The following MYO18B variants were observed in gnomAD, a reference collection of about 807,000 sequenced individuals.
The protein encoded by MYO18B is myosin XVIIIB.
MYO18B carries 204 observed loss-of-function variants against 273.0 expected under a neutral mutation model. That is an observed-to-expected ratio of 0.75 (90% CI 0.67 to 0.84). The LOEUF (loss-of-function observed/expected upper bound fraction) is 0.84. Ranked by LOEUF, MYO18B falls within the 40% of genes least tolerant of loss-of-function variation. The probability of loss-of-function intolerance (pLI) is 0.00; values close to 1 mark genes in which losing one functional copy is unlikely to be tolerated. For missense variants in MYO18B, 3,212 were observed against 3,287.6 expected, an observed-to-expected ratio of 0.98 and a Z score of 0.56; for synonymous variants, 1,330 against 1,305.7, an observed-to-expected ratio of 1.02 and a Z score of -0.40.
At chr22:25,861,479 T>G (rs1458180043) in intron 21 of MYO18B, among the ~76,000 whole-genome samples, 1 of 152,222 alleles carries the variant, frequency 6.6e-6, no homozygotes, top group East Asian at 1.9e-4. Context: ...ACTCCAGCTA[T>G]CTTATGTTTA....
At chr22:25,797,009 C>T (rs2087944434) in intron 11 of MYO18B, among the ~76,000 whole-genome samples, 1 of 152,214 alleles carries the variant, frequency 6.6e-6, no homozygotes, top group African/African-American at 2.4e-5. Flanking sequence ...GGGCAGATCA[C>T]TTGAGGTCAG....
chr22:25,939,181 A>G (rs2092615162), intron 34 of MYO18B, among the ~76,000 whole-genome samples: 1 of 151,782 alleles, frequency 6.6e-6, no homozygotes, highest in Non-Finnish European at 1.5e-5. Flanking sequence ...CCTTTAATTC[A>G]CTCATTTGTA....
intron 12 of MYO18B, among the ~76,000 whole-genome samples, chr22:25,812,353 C>T (rs2088802050): frequency 6.6e-6 from 1 of 152,148 alleles, no homozygotes; most frequent in African/African-American, 2.4e-5. Flanking sequence ...GAGGCTTCTC[C>T]CTTCCTTCTC....
chr22:25,990,654 T>C (rs938439998), intron 39 of MYO18B, among the ~76,000 whole-genome samples: 1 of 116,566 alleles, frequency 8.6e-6, no homozygotes, highest in Non-Finnish European at 1.6e-5. Flanking sequence ...GCCACTGCAC[T>C]CCAGGCTGTG....
rs192715225 is a variant in MYO18B at position 26,030,628 on chromosome 22, G to A, written c.*198G>A. On this transcript the variant is annotated 3_prime_UTR_variant, in exon 44 of 44. Coordinates refer to ENST00000335473, the MANE Select transcript of MYO18B (RefSeq NM_032608.7). Reference sequence around the variant, plus strand: ...GTGTGGTTGGCCTGAACAAAATAAAGTGTTGACTCCTGGGCATCTGTGCCT... The same window carrying A: ...GTGTGGTTGGCCTGAACAAAATAAAATGTTGACTCCTGGGCATCTGTGCCT... The A allele has an allele frequency of 2.1e-4, 61 of 295,162 alleles. 1 individual carries two copies. The highest frequency in any genetic ancestry group is 1.2e-3 in the African/African-American group (55 of 46,544). 18.3% of individuals were successfully genotyped at this position (295,162 alleles called of 1,614,324 possible).
rs12170856 is a variant in MYO18B at position 25,777,517 on chromosome 22, G to A, written c.1870-66G>A. ...CTGGACCCTAGGCCTGGGGCGGGGC[G>A]CTGTCTTAGAATGCTCCCTAGGCAG... On this transcript the variant is annotated intron_variant, in intron 7 of 43. Coordinates refer to ENST00000335473, the MANE Select transcript of MYO18B (RefSeq NM_032608.7). The A allele has an allele frequency of 0.3, 421,535 of 1,422,176 alleles. 67,064 individuals carry two copies. Among genetic ancestry groups the A allele is most frequent in the Middle Eastern group, 0.35 (1,365 of 3,874 alleles). The allele number at this position is 1,422,176 out of a possible 1,614,324, so 88.1% of individuals were successfully genotyped here. A position where few individuals can be genotyped will look rare whatever the true frequency, so the allele number is the denominator to read the frequency against.
chr22:25,959,654 T>C (rs1601690991), intron 39 of MYO18B, among the ~76,000 whole-genome samples: 1 of 150,814 alleles, frequency 6.6e-6, no homozygotes, highest in Non-Finnish European at 1.5e-5. Context: ...CATTCATTTA[T>C]TCATTCCATC....
intron 6 of MYO18B, among the ~76,000 whole-genome samples, chr22:25,771,287 T>A (rs1167184283): frequency 6.6e-6 from 1 of 152,214 alleles, no homozygotes; most frequent in African/African-American, 2.4e-5. Flanking sequence ...AGAAAATGAC[T>A]GCTTTTAATT....
At chr22:25,814,032 T>C (rs2088883903) in intron 12 of MYO18B, among the ~76,000 whole-genome samples, 1 of 152,202 alleles carries the variant, frequency 6.6e-6, no homozygotes, top group African/African-American at 2.4e-5. Flanking sequence ...CTGCTTGGGA[T>C]GTAAACAATT....
intron 39 of MYO18B, among the ~76,000 whole-genome samples, chr22:25,960,795 C>T (rs773822500): frequency 3.3e-5 from 5 of 152,082 alleles, no homozygotes; most frequent in East Asian, 3.9e-4. Flanking sequence ...AGTCTTGGTC[C>T]GCCCTGCAGG....
intron 21 of MYO18B, among the ~76,000 whole-genome samples, chr22:25,859,428 T>A (rs2090666835): frequency 6.6e-6 from 1 of 152,338 alleles, no homozygotes; most frequent in East Asian, 1.9e-4. Context: ...GTGTAACTTT[T>A]AAATATAACT....
At chr22:25,880,810 C>G (rs552371294) in intron 25 of MYO18B, among the ~76,000 whole-genome samples, 1 of 152,336 alleles carries the variant, frequency 6.6e-6, no homozygotes, top group African/African-American at 2.4e-5. Context: ...AGCATGGGCT[C>G]TATTTGCCTA....
the MYO18B span, among the ~76,000 whole-genome samples, chr22:26,063,796 G>C: frequency 2.0e-5 from 3 of 152,044 alleles, no homozygotes; most frequent in South Asian, 6.2e-4. Context: ...AACCATAAAG[G>C]GTTAAGAACT....
At chr22:25,828,437 G>C (rs570386341) in intron 14 of MYO18B, among the ~76,000 whole-genome samples, 2 of 152,072 alleles carry the variant, frequency 1.3e-5, no homozygotes, top group South Asian at 4.2e-4. Flanking sequence ...GATTTTAATA[G>C]GCCTCTGAAG....
chr22:25,906,056 C>T (rs1478764228), intron 31 of MYO18B, among the ~76,000 whole-genome samples: 8 of 152,198 alleles, frequency 5.3e-5, no homozygotes, highest in Non-Finnish European at 8.8e-5. Flanking sequence ...CTTAATGCAG[C>T]TGCCTGAATT....
rs1369844950 is a variant in MYO18B, at chr22:25,772,385, G to A, written c.1744G>A (p.Val582Ile). The change falls in exon 7 of 44, where the codon GTC (valine) becomes ATC (isoleucine). Residue 582 changes from valine to isoleucine, a missense_variant. By Grantham distance (29) the Val-to-Ile change is conservative (BLOSUM62 3). Coordinates refer to ENST00000335473, the MANE Select transcript of MYO18B (RefSeq NM_032608.7). ...CGAGGACCTGGCCTCTCTCATCAGTGTCAACGAATCCAGTGTCCTGAACAC... is the reference window on the plus strand; with the variant it reads ...CGAGGACCTGGCCTCTCTCATCAGTATCAACGAATCCAGTGTCCTGAACAC... Reference protein sequence around the residue: ...QVEDLASLISVNESSVLNTLL... With the variant: ...QVEDLASLISINESSVLNTLL... 6.2e-7 allele frequency: 1 copy of A among 1,613,842 alleles called. No individual in the cohort carries two copies. Among genetic ancestry groups the A allele is most frequent in the East Asian group, 2.2e-5 (1 of 44,880 alleles).
At chr22:26,030,030 A>G (rs1936577858) in intron 43 of MYO18B, among the ~76,000 whole-genome samples, 1 of 152,118 alleles carries the variant, frequency 6.6e-6, no homozygotes, top group Non-Finnish European at 1.5e-5. Flanking sequence ...ACCTGGGTAT[A>G]CAGAATTCCA....
chr22:25,922,883 A>G (rs2092368477), intron 34 of MYO18B, among the ~76,000 whole-genome samples: 1 of 152,218 alleles, frequency 6.6e-6, no homozygotes, highest in Admixed American at 6.5e-5. Context: ...TAACTAGAAG[A>G]CCTCAACCAA....
chr22:25,898,401 C>T lies in MYO18B; in HGVS notation c.4763C>T (p.Thr1588Ile). The T allele has an allele frequency of 1.2e-6, 2 of 1,613,884 alleles. No individual in the cohort carries two copies. The highest frequency in any genetic ancestry group is 1.7e-6 in the Non-Finnish European group (2 of 1,179,858). The change falls in exon 29 of 44, where the codon ACC becomes ATC. Residue 1588 changes from threonine (T) to isoleucine (I), a missense_variant. By Grantham distance (89) the Thr-to-Ile change is moderately conservative. Transcript: ENST00000335473. ...CATCTTACCTGTGACCTTGAGGATA[C>T]CTGCGTCCTGCTAGAGAACCAACAA... Reference protein sequence around the residue: ...CHHLTCDLEDTCVLLENQQSR... With the variant: ...CHHLTCDLEDICVLLENQQSR...
Sources: gnomAD v4.1 joint callset for allele counts (sites outside exome capture counted in the v4.1 genomes callset) on GRCh38, gnomAD v4.1.1 for gene constraint, MANE v1.5 for transcripts, NCBI Gene and HGNC (gene_info 2026-07-23, HGNC 2026-07-21) for gene names.